Variants in LACTB2 observed in about 807,000 individuals in gnomAD.
The protein encoded by LACTB2 is lactamase beta 2, also known as endoribonuclease LACTB2.
Under a neutral mutation model 34.8 loss-of-function variants are expected in LACTB2, and 32 were observed. The ratio of observed to expected loss-of-function variants is 0.92; its 90% CI spans 0.69 to 1.24. LACTB2 has a LOEUF of 1.24. Ranked by LOEUF, LACTB2 falls within the 50% of genes most tolerant of loss-of-function variation. The probability of loss-of-function intolerance (pLI) is 0.00; values close to 1 mark genes in which losing one functional copy is unlikely to be tolerated. For synonymous variants in LACTB2, 120 were observed against 117.5 expected (o/e 1.02, Z -0.14); for missense variants, 320 against 345.0 (o/e 0.93, Z 0.57).
At chr8:70,658,321 A>C (rs1818438717) in intron 2 of LACTB2, among the ~76,000 whole-genome samples, 1 of 152,206 alleles carries the variant, frequency 6.6e-6, no homozygotes, top group African/African-American at 2.4e-5. Context: ...CCTTGCTACA[A>C]GTACTGAAAT....
rs774552626 is a variant in LACTB2 at position 70,644,072 on chromosome 8, T to C, written c.585A>G (p.Ile195Met). 1.7e-5 allele frequency: 26 copies of C among 1,563,054 alleles called. No homozygotes were observed. The highest frequency in any genetic ancestry group is 5.0e-5 in the South Asian group (4 of 79,360). ...AATTTAAAAATTACCCACCTGGATATATAATATCAGCTTTGATTTTCAATA... is the reference window on the plus strand; with the variant it reads ...AATTTAAAAATTACCCACCTGGATACATAATATCAGCTTTGATTTTCAATA... ...KELLKIKADI[I>M]YPGHGPVIHN... Residue 195 changes from isoleucine to methionine, a missense_variant, in exon 4 of 7, where the codon ATA (isoleucine) becomes ATG (methionine). Ile to Met is a conservative substitution (Grantham distance 10, BLOSUM62 1). Transcript: ENST00000276590.
intron 1 of LACTB2, 117 bp downstream of exon 1, chr8:70,668,882 G>A (rs1365726382): frequency 2.1e-6 from 3 of 1,401,618 alleles, no homozygotes; most frequent in Non-Finnish European, 2.9e-6. Context: ...TAGGCGCGGG[G>A]CTGCCCAGCT....
intron 2 of LACTB2, 163 bp downstream of exon 2, chr8:70,661,571 A>G (rs1288281662): frequency 1.8e-6 from 1 of 569,394 alleles, no homozygotes; most frequent in African/African-American, 1.9e-5. Context: ...CTCCTTTGTT[A>G]AAACTAGGCA....
chr8:70,659,978 T>A (rs904793929), intron 2 of LACTB2, among the ~76,000 whole-genome samples: 24 of 152,284 alleles, frequency 1.6e-4, no homozygotes, highest in Non-Finnish European at 3.4e-4. Flanking sequence ...ACATTTTATG[T>A]ATGTAAATTA....
At chr8:70,652,739 T>TAC (rs1818358377) in intron 3 of LACTB2, 1 of 152,244 alleles carries the variant, frequency 6.6e-6, no homozygotes, top group South Asian at 2.1e-4. Flanking sequence ...AATTCATGAC[T>TAC]TTGTACATTT....
At chr8:70,646,402 A>G (rs1818264452) in intron 3 of LACTB2, 1 of 152,198 alleles carries the variant, frequency 6.6e-6, no homozygotes, top group African/African-American at 2.4e-5. Flanking sequence ...ATGAACAGAC[A>G]CTCTCAAAAG....
chr8:70,668,957 G>C, intron 1 of LACTB2, 42 bp downstream of exon 1: 1 of 1,554,462 alleles, frequency 6.4e-7, no homozygotes, highest in Non-Finnish European at 8.7e-7. Flanking sequence ...CGGGCTCCGG[G>C]GCCGGCTGCG....
intron 1 of LACTB2, among the ~76,000 whole-genome samples, chr8:70,665,126 A>C (rs1818521616): frequency 6.6e-6 from 1 of 152,252 alleles, no homozygotes; most frequent in African/African-American, 2.4e-5. Context: ...AATAGTTATA[A>C]TAGATGATTG....
chr8:70,637,908 A>G lies in LACTB2; in HGVS notation c.824-5T>C. 1 of 1,528,440 alleles carries G rather than the reference A, an allele frequency of 6.5e-7. No homozygotes were observed. The highest frequency in any genetic ancestry group is 2.4e-5 in the East Asian group (1 of 42,310). 94.7% of individuals were successfully genotyped at this position (1,528,440 alleles called of 1,614,324 possible). ...TGTCAGGATCTGTGTTGCTAACTGT[A>G]AAAAGAAAATCAGAGAGTAAAAATT... On this transcript the variant is annotated splice_polypyrimidine_tract_variant and splice_region_variant and intron_variant, in intron 6 of 6. Transcript: ENST00000276590.
chr8:70,664,953 C>G (rs1028561268), intron 1 of LACTB2, among the ~76,000 whole-genome samples: 1 of 152,174 alleles, frequency 6.6e-6, no homozygotes, highest in African/African-American at 2.4e-5. Flanking sequence ...AACACTGCCT[C>G]TCTAGCAGAA....
chr8:70,653,096 CTAT>C (rs1450248735), intron 3 of LACTB2, among the ~76,000 whole-genome samples: 3 of 152,062 alleles, frequency 2.0e-5, no homozygotes, highest in Non-Finnish European at 2.9e-5. Flanking sequence ...ATATAACATG[CTAT>C]TATATTTTCT....
chr8:70,661,796 A>G lies in LACTB2; in HGVS notation c.224T>C (p.Val75Ala). The stretch of plus-strand genomic sequence containing the variant: ...AGAATGATCTCGGTGCCAGTGAGTC[A>G]CTACAATTTCCTGGATTGCTGTGTT... ...EFNTAIQEIV[V>A]THWHRDHSGG... The change falls in exon 2 of 7, where the codon GTG (valine) becomes GCG (alanine). Residue 75 changes from valine to alanine, a missense_variant. By Grantham distance (64) the Val-to-Ala change is moderately conservative (BLOSUM62 0). Coordinates refer to ENST00000276590, the MANE Select transcript of LACTB2 (RefSeq NM_016027.3). 1 of 1,613,736 alleles carries G rather than the reference A, an allele frequency of 6.2e-7. No homozygotes were observed. The highest frequency in any genetic ancestry group is 8.5e-7 in the Non-Finnish European group (1 of 1,179,868).
chr8:70,643,930 T>G (rs754074240), intron 4 of LACTB2, 135 bp downstream of exon 4: 4 of 830,120 alleles, frequency 4.8e-6, no homozygotes, highest in Non-Finnish European at 6.7e-6. Flanking sequence ...GGCATGCCTG[T>G]ATACCCAGCG....
intron 3 of LACTB2, among the ~76,000 whole-genome samples, chr8:70,644,916 GAATA>G (rs1207169511): frequency 2.0e-5 from 3 of 151,936 alleles, no homozygotes; most frequent in African/African-American, 7.3e-5. Flanking sequence ...TATTATTACA[GAATA>G]TATACTTTTT....
intron 6 of LACTB2, 74 bp from the exon 7 acceptor site, chr8:70,637,977 G>C: frequency 1.2e-6 from 1 of 809,920 alleles, no homozygotes; most frequent in South Asian, 2.5e-5. Flanking sequence ...GTTACCTTGT[G>C]GCTAGAAAAA....
intron 3 of LACTB2, among the ~76,000 whole-genome samples, chr8:70,649,429 G>T (rs1343277230): frequency 6.6e-6 from 1 of 152,198 alleles, no homozygotes; most frequent in African/African-American, 2.4e-5. Context: ...AGTTAAATTA[G>T]TGATAAATAC....
chr8:70,646,542 G>GT (rs952722833), intron 3 of LACTB2: 32 of 152,098 alleles, frequency 2.1e-4, no homozygotes, highest in Admixed American at 7.9e-4. Context: ...AGACAGAGCC[G>GT]TTTTTTATAA....
intron 4 of LACTB2, among the ~76,000 whole-genome samples, chr8:70,642,608 T>G (rs1478962040): frequency 1.3e-5 from 2 of 151,482 alleles, no homozygotes; most frequent in Admixed American, 6.6e-5. Flanking sequence ...CTCAGCCTCT[T>G]GAGAAGCTGG....
Position 70,668,761 on chromosome 8 carries a change from T to G in LACTB2, c.122+238A>C, listed in dbSNP as rs1484306008. Among the ~76,000 whole-genome samples the G allele has an allele frequency of 5.3e-5, 8 of 151,192 alleles. 1 individual carries two copies. The highest frequency in any genetic ancestry group is 5.3e-4 in the Admixed American group (8 of 15,156). ...TTCAAAACAGAAGTTTTTTTTTTTTTTTTTTTTTTTTTTTCCATTTCTCCC... is the reference window on the plus strand; with the variant it reads ...TTCAAAACAGAAGTTTTTTTTTTTTGTTTTTTTTTTTTTTCCATTTCTCCC... On this transcript the variant is annotated intron_variant, in intron 1 of 6. Transcript: ENST00000276590.
Sources: allele counts gnomAD v4.1 joint callset (sites outside exome capture counted in the v4.1 genomes callset), GRCh38; gene constraint gnomAD v4.1.1; transcripts MANE v1.5; gene names NCBI Gene and HGNC (gene_info 2026-07-23, HGNC 2026-07-21).